The following GALNT14 variants were observed in gnomAD, a reference collection of about 807,000 sequenced individuals.
GALNT14 encodes polypeptide N-acetylgalactosaminyltransferase 14.
GALNT14 carries 60 observed loss-of-function variants against 77.5 expected under a neutral mutation model. That is an observed-to-expected ratio of 0.77 (90% confidence interval 0.63 to 0.96). GALNT14 has a LOEUF of 0.96. Among genes scored for constraint, GALNT14 ranks in the 40% least tolerant of loss-of-function variants. GALNT14 has a pLI of 0.00. For synonymous variants in GALNT14, 280 were observed against 281.7 expected, an observed-to-expected ratio of 0.99 and a Z score of 0.06; for missense variants, 710 against 731.0, an observed-to-expected ratio of 0.97 and a Z score of 0.33.
In GALNT14 at chr2:31,138,243, T is replaced by C; in HGVS notation, c.-157A>G. ...GGCGGCAGGATCCTGCAAGGCGCCC[T>C]TCCCGCTTCGAAGAGAAGCGAGCCT... On this transcript the variant is annotated 5_prime_UTR_variant, in exon 1 of 15. Coordinates refer to ENST00000349752, the MANE Select transcript of GALNT14 (RefSeq NM_024572.4). 1 of 894,462 alleles carries C rather than the reference T, an allele frequency of 1.1e-6. No homozygotes were observed. The highest frequency in any genetic ancestry group is 1.7e-6 in the Non-Finnish European group (1 of 596,320). 55.4% of individuals were successfully genotyped at this position (894,462 alleles called of 1,614,324 possible). A position where few individuals can be genotyped will look rare whatever the true frequency, so the allele number is the denominator to read the frequency against.
chr2:31,032,804 C>T lies in GALNT14; in HGVS notation c.130-39797G>A, dbSNP rs554136611. 2.0e-5 allele frequency among the ~76,000 whole-genome samples: 3 copies of T among 152,254 alleles called. No individual in the cohort carries two copies. In the South Asian group the frequency reaches 6.2e-4, roughly 32 times the overall value. On this transcript the variant is annotated intron_variant, in intron 1 of 14. Transcript: ENST00000349752. ...TGAAGAGTAGAAGATGTGATGTGCA[C>T]ACAGATGCCAGGAAGCTCTTGCTCT...
intron 1 of GALNT14, among the ~76,000 whole-genome samples, chr2:31,113,014 A>T (rs1434711287): frequency 6.6e-6 from 1 of 152,222 alleles, no homozygotes; most frequent in Non-Finnish European, 1.5e-5. Context: ...AATCCTTTCA[A>T]ACTAACACTG....
the GALNT14 span, among the ~76,000 whole-genome samples, chr2:30,901,370 C>T: frequency 1.2e-4 from 19 of 152,234 alleles, no homozygotes; most frequent in East Asian, 3.7e-3. Context: ...TCCCCATTCA[C>T]TCAACACCAC....
chr2:30,930,251 C>T (rs1665645705), intron 10 of GALNT14, among the ~76,000 whole-genome samples: 1 of 152,214 alleles, frequency 6.6e-6, no homozygotes, highest in South Asian at 2.1e-4. Context: ...TTCTGGCTGT[C>T]CTCGGGCTCT....
the GALNT14 span, among the ~76,000 whole-genome samples, chr2:30,894,029 G>A: frequency 1.1e-3 from 169 of 152,234 alleles, no homozygotes; most frequent in African/African-American, 3.7e-3. Flanking sequence ...CTTTCTAGGC[G>A]AAAAGGAAAG....
At chr2:30,976,892 G>A (rs1180927636) in intron 2 of GALNT14, among the ~76,000 whole-genome samples, 6 of 151,976 alleles carry the variant, frequency 3.9e-5, no homozygotes, top group African/African-American at 1.5e-4. Context: ...GTAACTCCCC[G>A]AGGTGGGTGC....
chr2:30,912,003 G>A (rs111227363), intron 14 of GALNT14, among the ~76,000 whole-genome samples: 231 of 152,316 alleles, frequency 1.5e-3, no homozygotes, highest in African/African-American at 5.1e-3. Context: ...GAAATCAATA[G>A]GCTTTCATGG....
chr2:30,918,927 C>A lies in GALNT14; in HGVS notation c.1380+5192G>T, dbSNP rs114379333. Among the ~76,000 whole-genome samples the A allele has an allele frequency of 4.6e-3, 701 of 152,186 alleles. 7 individuals carry two copies. The highest frequency in any genetic ancestry group is 0.016 in the African/African-American group (667 of 41,514). On this transcript the variant is annotated intron_variant, in intron 13 of 14. Coordinates refer to ENST00000349752, the MANE Select transcript of GALNT14 (RefSeq NM_024572.4). ...GGTGGTGTGCAGGCAGCCTGTCCCACCGGCAGACTCAGGCTCACACACCTC... is the reference window on the plus strand; with the variant it reads ...GGTGGTGTGCAGGCAGCCTGTCCCAACGGCAGACTCAGGCTCACACACCTC...
Position 31,078,998 on chromosome 2 carries a change from T to C in GALNT14, c.129+58960A>G, listed in dbSNP as rs777588970. The C allele has an allele frequency of 1.2e-5, 15 of 1,288,728 alleles. No homozygotes were observed. The South Asian group carries it at 1.7e-4, about 15-fold the overall frequency. 79.8% of individuals were successfully genotyped at this position (1,288,728 alleles called of 1,614,324 possible). A position where few individuals can be genotyped will look rare whatever the true frequency, so the allele number is the denominator to read the frequency against. ...GGGAGGGAGAGCAGGGGAGCTACAG[T>C]GGGCTGCTGAAATTGCATTCAGAAC... On this transcript the variant is annotated intron_variant, in intron 1 of 14. Transcript: ENST00000349752.
chr2:30,939,848 C>T (rs1666274199), intron 9 of GALNT14, among the ~76,000 whole-genome samples: 1 of 152,012 alleles, frequency 6.6e-6, no homozygotes. Flanking sequence ...ACTCGTACAC[C>T]CCATCCAAAT....
At chr2:30,953,510 A>G (rs1037439871) in intron 6 of GALNT14, among the ~76,000 whole-genome samples, 1 of 152,082 alleles carries the variant, frequency 6.6e-6, no homozygotes, top group African/African-American at 2.4e-5. Context: ...GGGTTTCGCC[A>G]TGTTGGCCAG....
intron 1 of GALNT14, among the ~76,000 whole-genome samples, chr2:31,006,591 A>G (rs1258677887): frequency 6.6e-6 from 1 of 152,190 alleles, no homozygotes; most frequent in African/African-American, 2.4e-5. Context: ...CTGCCATGAT[A>G]GGGGATCATT....
intron 4 of GALNT14, 87 bp from the exon 5 acceptor site, chr2:30,956,064 G>GC: frequency 7.4e-7 from 1 of 1,345,378 alleles, no homozygotes; most frequent in Non-Finnish European, 1.1e-6. Context: ...AACCTGAAGG[G>GC]TAGGTGAGGC....
chr2:31,018,758 G>A (rs1423694666), intron 1 of GALNT14, among the ~76,000 whole-genome samples: 1 of 152,156 alleles, frequency 6.6e-6, no homozygotes, highest in Non-Finnish European at 1.5e-5. Flanking sequence ...ATTTGTGCAG[G>A]TTCTTTGGGA....
rs540456034 is a variant in GALNT14, at chr2:30,964,284, A to C, written c.398+1920T>G. Among the ~76,000 whole-genome samples, 7 of 151,746 alleles carry C rather than the reference A, an allele frequency of 4.6e-5. No homozygotes were observed. In the South Asian group the frequency reaches 1.5e-3, roughly 32 times the overall value. On this transcript the variant is annotated intron_variant, in intron 3 of 14. Coordinates refer to ENST00000349752, the MANE Select transcript of GALNT14 (RefSeq NM_024572.4). ...AGGTTGCAGTTGGTCTGCTCCATGA[A>C]CCCCCCCTGGTGCCCCAGCACATCA...
At chr2:30,950,969 C>A (rs1666989354) in intron 6 of GALNT14, among the ~76,000 whole-genome samples, 1 of 152,188 alleles carries the variant, frequency 6.6e-6, no homozygotes, top group Admixed American at 6.5e-5. Context: ...GAAAGCAAGG[C>A]TCCCTTAACA....
chr2:31,088,118 C>G (rs532020321), intron 1 of GALNT14, among the ~76,000 whole-genome samples: 2 of 152,310 alleles, frequency 1.3e-5, no homozygotes, highest in East Asian at 3.9e-4. Context: ...TCTGTTATAG[C>G]AGCCCAAACA....
intron 6 of GALNT14, among the ~76,000 whole-genome samples, chr2:30,947,600 A>G (rs765178194): frequency 2.6e-5 from 4 of 152,198 alleles, no homozygotes; most frequent in African/African-American, 4.8e-5. Context: ...CTAAATGGGA[A>G]TCAGGCAGCC....
chr2:30,944,610 G>A (rs974554980), intron 8 of GALNT14, among the ~76,000 whole-genome samples: 3 of 152,140 alleles, frequency 2.0e-5, no homozygotes, highest in African/African-American at 7.2e-5. Context: ...GAGGCACAAG[G>A]ACATCATGGC....
Sources: gnomAD v4.1 joint callset for allele counts (sites outside exome capture counted in the v4.1 genomes callset) on GRCh38, gnomAD v4.1.1 for gene constraint, MANE v1.5 for transcripts, NCBI Gene and HGNC (gene_info 2026-07-23, HGNC 2026-07-21) for gene names.